Variants in ATAD2B observed in about 807,000 individuals in gnomAD.
ATAD2B encodes the protein ATPase family AAA domain containing 2B.
Under a neutral mutation model 167.6 loss-of-function variants are expected in ATAD2B, and 40 were observed. The ratio of observed to expected loss-of-function variants is 0.24; its 90% CI spans 0.19 to 0.31. The LOEUF (loss-of-function observed/expected upper bound fraction) is 0.31, where lower values mean the gene tolerates loss of function less well. Ranked by LOEUF, ATAD2B falls within the 10% of genes least tolerant of loss-of-function variation. The pLI, the probability that ATAD2B is intolerant of heterozygous loss-of-function variation, is 1.00. For missense variants in ATAD2B, 1,242 were observed against 1,757.2 expected, an observed-to-expected ratio of 0.71 and a Z score of 5.24; for synonymous variants, 579 against 596.5, an observed-to-expected ratio of 0.97 and a Z score of 0.43.
chr2:23,873,607 G>A (rs1308719758), intron 8 of ATAD2B, among the ~76,000 whole-genome samples: 1 of 151,990 alleles, frequency 6.6e-6, no homozygotes, highest in Non-Finnish European at 1.5e-5. Flanking sequence ...TATATAAATA[G>A]TCATCAAGCT....
intron 14 of ATAD2B, among the ~76,000 whole-genome samples, chr2:23,833,404 T>C (rs1689386363): frequency 1.3e-5 from 2 of 152,150 alleles, no homozygotes; most frequent in African/African-American, 2.4e-5. Flanking sequence ...AAAAAATTTG[T>C]ATATCATATA....
At chr2:23,817,730 TA>T (rs1326199022) in intron 17 of ATAD2B, among the ~76,000 whole-genome samples, 4 of 152,170 alleles carry the variant, frequency 2.6e-5, no homozygotes, top group African/African-American at 9.6e-5. Flanking sequence ...TTAAAACATC[TA>T]AAAAATGCTT....
chr2:23,702,904 A>G, the ATAD2B span, among the ~76,000 whole-genome samples: 14 of 142,548 alleles, frequency 9.8e-5, no homozygotes, highest in South Asian at 3.0e-3. Flanking sequence ...GGAGGGGAGC[A>G]CTGTGTGAGC....
intron 14 of ATAD2B, chr2:23,832,250 C>T (rs1304282456): frequency 2.1e-5 from 10 of 469,200 alleles, no homozygotes; most frequent in South Asian, 1.6e-4. Flanking sequence ...GTAATCTCAT[C>T]TAGTCTCGGG....
chr2:23,692,416 G>A, the ATAD2B span, among the ~76,000 whole-genome samples: 4 of 152,250 alleles, frequency 2.6e-5, no homozygotes, highest in Non-Finnish European at 5.9e-5. Flanking sequence ...CTTTACGCTT[G>A]ATGCTACCCC....
At chr2:23,873,750 A>G (rs1439721113) in intron 8 of ATAD2B, among the ~76,000 whole-genome samples, 1 of 152,256 alleles carries the variant, frequency 6.6e-6, no homozygotes, top group Non-Finnish European at 1.5e-5. Flanking sequence ...TCGTAGCTTC[A>G]GTAAAAGCCA....
intron 5 of ATAD2B, 75 bp downstream of exon 5, chr2:23,885,652 T>G: frequency 1.3e-6 from 1 of 798,110 alleles, no homozygotes; most frequent in Non-Finnish European, 2.0e-6. Context: ...AACATCCAAC[T>G]GTTGCATTCT....
chr2:23,886,867 C>T lies in ATAD2B; in HGVS notation c.572+965G>A, dbSNP rs566297151. ...AATGGCATGAACTGAGGAGGCAGAGCTTGCAGTGAGCCGAGATCACGCCAC... is the reference window on the plus strand; with the variant it reads ...AATGGCATGAACTGAGGAGGCAGAGTTTGCAGTGAGCCGAGATCACGCCAC... On this transcript the variant is annotated intron_variant, in intron 4 of 27. Coordinates refer to ENST00000238789, the MANE Select transcript of ATAD2B (RefSeq NM_017552.4). Among the ~76,000 whole-genome samples the T allele has an allele frequency of 3.8e-4, 57 of 150,160 alleles. 1 individual carries two copies. Among genetic ancestry groups the T allele is most frequent in the African/African-American group, 1.4e-3 (56 of 40,806 alleles).
chr2:23,771,900 T>C (rs1678378076), intron 22 of ATAD2B, among the ~76,000 whole-genome samples: 1 of 152,202 alleles, frequency 6.6e-6, no homozygotes, highest in African/African-American at 2.4e-5. Context: ...TCTGGTAATC[T>C]GCCCTGCAAA....
At chr2:23,892,881 G>A (rs768983808) in intron 2 of ATAD2B, among the ~76,000 whole-genome samples, 45 of 152,116 alleles carry the variant, frequency 3.0e-4, no homozygotes, top group Non-Finnish European at 5.1e-4. Context: ...ATAAATATCC[G>A]CTGACCAAAA....
chr2:23,927,090 T>C lies in ATAD2B; in HGVS notation c.-320A>G, dbSNP rs1303832730. The C allele has an allele frequency of 2.2e-5, 6 of 279,050 alleles. No homozygotes were observed. Among genetic ancestry groups the C allele is most frequent in the Non-Finnish European group, 4.0e-5 (6 of 148,764 alleles). 17.3% of individuals were successfully genotyped at this position (279,050 alleles called of 1,614,324 possible). A position where few individuals can be genotyped will look rare whatever the true frequency, so the allele number is the denominator to read the frequency against. Reference sequence around the variant, plus strand: ...CTCCCGTTCTCGCTCTCGAGCTCCGTGCGTCAAGGCTCCAGCGCCGCAGGG... The same window carrying C: ...CTCCCGTTCTCGCTCTCGAGCTCCGCGCGTCAAGGCTCCAGCGCCGCAGGG... On this transcript the variant is annotated 5_prime_UTR_variant, in exon 1 of 28. Coordinates refer to ENST00000238789, the MANE Select transcript of ATAD2B (RefSeq NM_017552.4).
At chr2:23,918,374 A>G (rs1204218120) in intron 1 of ATAD2B, among the ~76,000 whole-genome samples, 1 of 152,108 alleles carries the variant, frequency 6.6e-6, no homozygotes, top group African/African-American at 2.4e-5. Context: ...CTGTCTCAAA[A>G]AATACATATA....
intron 17 of ATAD2B, among the ~76,000 whole-genome samples, chr2:23,811,987 T>C (rs567082962): frequency 6.6e-6 from 1 of 152,156 alleles, no homozygotes; most frequent in East Asian, 1.9e-4. Context: ...TAAACCAAAC[T>C]TGACTTGTAA....
chr2:23,843,275 G>A (rs1422303067), intron 13 of ATAD2B, among the ~76,000 whole-genome samples: 1 of 152,252 alleles, frequency 6.6e-6, no homozygotes, highest in African/African-American at 2.4e-5. Context: ...AGTGAAGACT[G>A]ACTAAAGACA....
At chr2:23,789,301 T>G (rs964167171) in intron 19 of ATAD2B, among the ~76,000 whole-genome samples, 11 of 152,176 alleles carry the variant, frequency 7.2e-5, no homozygotes, top group African/African-American at 1.9e-4. Context: ...GATATGCTGT[T>G]TAAATGCTCT....
the ATAD2B span, among the ~76,000 whole-genome samples, chr2:23,678,228 A>C: frequency 4.8e-4 from 73 of 152,330 alleles, no homozygotes; most frequent in Admixed American, 1.4e-3. Context: ...AGCCCCAGGC[A>C]GAGCCTCTTC....
At chr2:23,760,111 T>A (rs1468526229) in intron 24 of ATAD2B, among the ~76,000 whole-genome samples, 1 of 152,224 alleles carries the variant, frequency 6.6e-6, no homozygotes, top group Non-Finnish European at 1.5e-5. Flanking sequence ...GGAGCCCTGC[T>A]GAAGCAAGTT....
chr2:23,722,228 A>G, the ATAD2B span, among the ~76,000 whole-genome samples: 2 of 152,250 alleles, frequency 1.3e-5, no homozygotes, highest in Non-Finnish European at 2.9e-5. Flanking sequence ...AAAGAAAACA[A>G]TAATTCTATA....
the ATAD2B span, chr2:23,691,823 C>T: frequency 9.0e-6 from 14 of 1,551,432 alleles, no homozygotes; most frequent in Admixed American, 2.0e-5. Context: ...CTGCTGGAGG[C>T]GGCCAGCAAG....
Sources: gnomAD v4.1 joint callset for allele counts (sites outside exome capture counted in the v4.1 genomes callset) on GRCh38, gnomAD v4.1.1 for gene constraint, MANE v1.5 for transcripts, NCBI Gene and HGNC (gene_info 2026-07-23, HGNC 2026-07-21) for gene names.